Variants in CADM2 observed in about 807,000 individuals in gnomAD.
CADM2 encodes the protein cell adhesion molecule 2.
In CADM2, 12 loss-of-function variants were observed where a neutral mutation model predicts 49.8. The observed-to-expected ratio is 0.24, with a 90% CI of 0.15 to 0.39. The LOEUF is 0.39. Ranked by LOEUF, CADM2 falls within the 10% of genes least tolerant of loss-of-function variation. CADM2 has a pLI of 1.00. For synonymous variants in CADM2, 214 were observed against 175.4 expected (o/e 1.22, Z -1.74); for missense variants, 378 against 492.3 (o/e 0.77, Z 2.20).
rs55882841 is a variant in CADM2, at chr3:85,442,588, G to GTATATA, written c.62-283894_62-283889dup. Among the ~76,000 whole-genome samples the GTATATA allele has an allele frequency of 2.5e-3, 305 of 120,780 alleles. 7 individuals carry two copies. The highest frequency in any genetic ancestry group is 7.2e-3 in the African/African-American group (160 of 22,146). The allele number at this position is 120,780 out of a possible 152,430, so 79.2% of individuals were successfully genotyped here. A position where few individuals can be genotyped will look rare whatever the true frequency, so the allele number is the denominator to read the frequency against. ...TATTTAAAATAATGCTTATATATGA[G>GTATATA]TATATATATATATATATATATATAT... On this transcript the variant is annotated intron_variant, in intron 1 of 9. Transcript: ENST00000383699.
chr3:85,689,572 T>C (rs1457569048), intron 1 of CADM2, among the ~76,000 whole-genome samples: 1 of 152,160 alleles, frequency 6.6e-6, no homozygotes, highest in Non-Finnish European at 1.5e-5. Flanking sequence ...ATGGGTTAAA[T>C]AGGTGCAGAA....
chr3:85,097,173 C>A (rs932490896), intron 1 of CADM2, among the ~76,000 whole-genome samples: 21 of 152,092 alleles, frequency 1.4e-4, no homozygotes, highest in African/African-American at 4.3e-4. Flanking sequence ...CAACAGTCTG[C>A]GGAGTGTGAT....
chr3:85,761,847 T>C (rs2069400553), intron 2 of CADM2, among the ~76,000 whole-genome samples: 1 of 152,148 alleles, frequency 6.6e-6, no homozygotes, highest in Non-Finnish European at 1.5e-5. Flanking sequence ...GCTTACAATA[T>C]TTCATCAATT....
chr3:85,899,935 CT>C (rs1305244171), intron 5 of CADM2, among the ~76,000 whole-genome samples: 1 of 152,148 alleles, frequency 6.6e-6, no homozygotes, highest in Admixed American at 6.5e-5. Context: ...GGAGTCCACT[CT>C]TTGTCCATCT....
intron 8 of CADM2, among the ~76,000 whole-genome samples, chr3:85,981,778 C>A (rs1271657386): frequency 6.6e-6 from 1 of 151,652 alleles, no homozygotes; most frequent in Non-Finnish European, 1.5e-5. Context: ...TAGGTTGATT[C>A]CATGTCTTTG....
At chr3:85,008,088 T>C (rs2033824400) in intron 1 of CADM2, among the ~76,000 whole-genome samples, 2 of 152,188 alleles carry the variant, frequency 1.3e-5, no homozygotes, top group African/African-American at 4.8e-5. Flanking sequence ...AGCAGTTGGC[T>C]CAACTACCTA....
At chr3:86,059,752 T>G (rs1327428846) in intron 8 of CADM2, among the ~76,000 whole-genome samples, 1 of 152,272 alleles carries the variant, frequency 6.6e-6, no homozygotes, top group East Asian at 1.9e-4. Context: ...GCCATTGAAA[T>G]TTAGCCATTT....
intron 1 of CADM2, among the ~76,000 whole-genome samples, chr3:85,371,983 CT>C: frequency 6.6e-6 from 1 of 151,428 alleles, no homozygotes; most frequent in Non-Finnish European, 1.5e-5. Context: ...GTTTTTTGTT[CT>C]CTCTGTCTCC....
chr3:85,523,981 A>G (rs1190922724), intron 1 of CADM2, among the ~76,000 whole-genome samples: 2 of 152,126 alleles, frequency 1.3e-5, no homozygotes, highest in Non-Finnish European at 2.9e-5. Flanking sequence ...ATTGTTAATT[A>G]TTTAGGGACA....
chr3:84,983,609 A>C (rs2032345343), intron 1 of CADM2, among the ~76,000 whole-genome samples: 1 of 152,116 alleles, frequency 6.6e-6, no homozygotes, highest in African/African-American at 2.4e-5. Context: ...CCTGGAGCCA[A>C]GCGGGGAATT....
chr3:85,566,647 CA>C (rs891125061), intron 1 of CADM2, among the ~76,000 whole-genome samples: 25 of 152,140 alleles, frequency 1.6e-4, no homozygotes, highest in Admixed American at 6.5e-4. Flanking sequence ...ACCTCCGTAA[CA>C]AAAAAATTGG....
intron 1 of CADM2, among the ~76,000 whole-genome samples, chr3:85,265,804 C>T (rs1258487404): frequency 2.0e-5 from 3 of 151,914 alleles, no homozygotes; most frequent in Admixed American, 1.3e-4. Flanking sequence ...CACTTTAAAA[C>T]TTTAAATGGG....
chr3:85,051,883 C>T (rs1224821380), intron 1 of CADM2, among the ~76,000 whole-genome samples: 1 of 152,046 alleles, frequency 6.6e-6, no homozygotes, highest in Non-Finnish European at 1.5e-5. Flanking sequence ...AGGATGCAAA[C>T]TCCCCACTGA....
chr3:85,706,357 G>T (rs930817667), intron 1 of CADM2, among the ~76,000 whole-genome samples: 2 of 152,116 alleles, frequency 1.3e-5, no homozygotes, highest in Non-Finnish European at 2.9e-5. Flanking sequence ...CATTCATGTT[G>T]CTCTAGGGGT....
At chr3:85,006,416 G>GAAATAAAT (rs4053358) in intron 1 of CADM2, among the ~76,000 whole-genome samples, 1 of 152,000 alleles carries the variant, frequency 6.6e-6, no homozygotes, top group East Asian at 1.9e-4. Flanking sequence ...AGCAGCATGT[G>GAAATAAAT]AAATAAATAA....
At chr3:85,668,727 C>A (rs558851652) in intron 1 of CADM2, among the ~76,000 whole-genome samples, 1 of 152,196 alleles carries the variant, frequency 6.6e-6, no homozygotes, top group African/African-American at 2.4e-5. Flanking sequence ...GTCCATTAAA[C>A]CTCTTTCTTT....
chr3:85,971,720 T>A (rs2108643503), intron 8 of CADM2, among the ~76,000 whole-genome samples: 1 of 151,684 alleles, frequency 6.6e-6, no homozygotes, highest in Non-Finnish European at 1.5e-5. Flanking sequence ...TCAAAAGCAT[T>A]TTTTTCATAC....
chr3:85,186,931 C>A (rs1265511458), intron 1 of CADM2, among the ~76,000 whole-genome samples: 2 of 152,072 alleles, frequency 1.3e-5, no homozygotes, highest in African/African-American at 4.8e-5. Context: ...CAAATGCTGT[C>A]GTTAATATTT....
At chr3:85,869,719 C>T (rs976188200) in intron 3 of CADM2, among the ~76,000 whole-genome samples, 3 of 152,030 alleles carry the variant, frequency 2.0e-5, no homozygotes, top group Non-Finnish European at 2.9e-5. Flanking sequence ...AGTGCAGTGG[C>T]GCGATCTCGG....
Sources: allele counts gnomAD v4.1 joint callset (sites outside exome capture counted in the v4.1 genomes callset), GRCh38; gene constraint gnomAD v4.1.1; transcripts MANE v1.5; gene names NCBI Gene and HGNC (gene_info 2026-07-23, HGNC 2026-07-21).